Variants in CADM1 observed in about 807,000 individuals in gnomAD.
CADM1 encodes the protein TSLC-1.
CADM1 carries 15 observed loss-of-function variants against 53.1 expected under a neutral mutation model. That is an observed-to-expected ratio of 0.28 (90% confidence interval 0.19 to 0.44). CADM1 has a LOEUF of 0.44. Among genes scored for constraint, CADM1 ranks in the 20% least tolerant of loss-of-function variants. CADM1 has a pLI of 1.00. For synonymous variants in CADM1, 281 were observed against 243.0 expected (o/e 1.16, Z -1.45); for missense variants, 434 against 611.3 (o/e 0.71, Z 3.06).
chr11:115,177,159 G>A (rs1412670538), intron 11 of CADM1, among the ~76,000 whole-genome samples: 2 of 152,198 alleles, frequency 1.3e-5, no homozygotes, highest in African/African-American at 4.8e-5. Context: ...ACTTCAGAGT[G>A]AGGTTCCAGA....
Position 115,175,374 on chromosome 11 carries a change from G to GC in CADM1, c.*1099_*1100insG. On this transcript the variant is annotated 3_prime_UTR_variant, in exon 12 of 12. Coordinates refer to ENST00000331581, the MANE Select transcript of CADM1 (RefSeq NM_001301043.2). ...TACTGCCTTCCTAACTAAGCACAAA[G>GC]GAAAAAAAAAAAAAAATCAACTCTG... is the stretch of plus-strand genomic sequence containing the variant. 1.8e-6 allele frequency: 1 copy of GC among 553,034 alleles called. No individual in the cohort carries two copies. The highest frequency in any genetic ancestry group is 2.1e-6 in the Non-Finnish European group (1 of 468,484). The allele number at this position is 553,034 out of a possible 1,614,324, so 34.3% of individuals were successfully genotyped here.
intron 1 of CADM1, among the ~76,000 whole-genome samples, chr11:115,456,954 C>G (rs1222547312): frequency 1.3e-5 from 2 of 152,158 alleles, no homozygotes; most frequent in Non-Finnish European, 2.9e-5. Flanking sequence ...CACTGCCAGA[C>G]TATCAGCTCA....
chr11:115,274,143 T>C (rs1397941900), intron 1 of CADM1, among the ~76,000 whole-genome samples: 2 of 152,270 alleles, frequency 1.3e-5, no homozygotes, highest in African/African-American at 2.4e-5. Flanking sequence ...TAGGGTTTGA[T>C]TTCAATTGCT....
chr11:115,404,833 C>T (rs1329679324), intron 1 of CADM1, among the ~76,000 whole-genome samples: 1 of 143,596 alleles, frequency 7.0e-6, no homozygotes, highest in Non-Finnish European at 1.5e-5. Context: ...CAGAACAAGA[C>T]CCTGCCTCAG....
chr11:115,277,415 G>A (rs1943474844), intron 1 of CADM1, among the ~76,000 whole-genome samples: 1 of 152,140 alleles, frequency 6.6e-6, no homozygotes, highest in African/African-American at 2.4e-5. Flanking sequence ...ATAATCTACA[G>A]TCCAGTGAAA....
At chr11:115,499,196 GA>G (rs1281474432) in intron 1 of CADM1, among the ~76,000 whole-genome samples, 1 of 152,124 alleles carries the variant, frequency 6.6e-6, no homozygotes, top group Non-Finnish European at 1.5e-5. Flanking sequence ...TTGTTCTTAA[GA>G]ACATTTCCTT....
chr11:115,276,230 T>C (rs1247745564), intron 1 of CADM1, among the ~76,000 whole-genome samples: 3 of 152,254 alleles, frequency 2.0e-5, no homozygotes, highest in Non-Finnish European at 4.4e-5. Flanking sequence ...TTTTCACAGA[T>C]GCTCTGGCAT....
intron 10 of CADM1, among the ~76,000 whole-genome samples, chr11:115,187,772 T>C (rs1565285648): frequency 2.0e-5 from 3 of 152,204 alleles, no homozygotes; most frequent in Non-Finnish European, 4.4e-5. Flanking sequence ...GCCGTGTTTC[T>C]TGTATAATCC....
intron 1 of CADM1, among the ~76,000 whole-genome samples, chr11:115,437,994 C>T (rs1055267413): frequency 6.6e-6 from 1 of 152,174 alleles, no homozygotes; most frequent in African/African-American, 2.4e-5. Context: ...CCAGGAGCAC[C>T]GTGTAACGCC....
chr11:115,299,840 G>T (rs1944173751), intron 1 of CADM1, among the ~76,000 whole-genome samples: 2 of 152,060 alleles, frequency 1.3e-5, no homozygotes, highest in South Asian at 4.1e-4. Context: ...TTCATTTGAA[G>T]ACAGAAGCAG....
At chr11:115,433,431 TAAATCACTCC>T (rs1948105754) in intron 1 of CADM1, among the ~76,000 whole-genome samples, 1 of 152,222 alleles carries the variant, frequency 6.6e-6, no homozygotes, top group Non-Finnish European at 1.5e-5. Context: ...CCAGCATGAC[TAAATCACTCC>T]AAGGGCAAAC....
At chr11:115,281,324 G>A (rs1943578352) in intron 1 of CADM1, among the ~76,000 whole-genome samples, 1 of 152,144 alleles carries the variant, frequency 6.6e-6, no homozygotes, top group Non-Finnish European at 1.5e-5. Flanking sequence ...AATCATGGGA[G>A]TATTAATTCA....
At chr11:115,388,590 G>A (rs1015580913) in intron 1 of CADM1, among the ~76,000 whole-genome samples, 1 of 152,150 alleles carries the variant, frequency 6.6e-6, no homozygotes, top group Admixed American at 6.5e-5. Flanking sequence ...ACCTCTGGAT[G>A]TAATAGTGTA....
chr11:115,405,677 G>A (rs1947295148), intron 1 of CADM1, among the ~76,000 whole-genome samples: 1 of 152,156 alleles, frequency 6.6e-6, no homozygotes, highest in African/African-American at 2.4e-5. Flanking sequence ...GCATCAAGAT[G>A]AATCTCACCA....
In CADM1 at chr11:115,497,820, C is replaced by T. The variant is rs533810835; in HGVS notation, c.124+6451G>A. Among the ~76,000 whole-genome samples the T allele has an allele frequency of 8.7e-4, 132 of 152,082 alleles. 1 individual carries two copies. The Middle Eastern group carries it at 0.014, about 16-fold the overall frequency. ...TGTGGCCTGGTCAACTCAGAGGGGG[C>T]GGTGCAGGGGGCAGGTTTTCACCTG... On this transcript the variant is annotated intron_variant, in intron 1 of 11. Coordinates refer to ENST00000331581, the MANE Select transcript of CADM1 (RefSeq NM_001301043.2).
At chr11:115,292,377 T>C (rs1302110116) in intron 1 of CADM1, among the ~76,000 whole-genome samples, 2 of 152,206 alleles carry the variant, frequency 1.3e-5, no homozygotes, top group Non-Finnish European at 2.9e-5. Context: ...AGCTCATTAA[T>C]AGTATGCAAG....
chr11:115,196,499 C>T (rs1410636498), intron 9 of CADM1, among the ~76,000 whole-genome samples: 7 of 146,482 alleles, frequency 4.8e-5, no homozygotes, highest in Non-Finnish European at 1.0e-4. Flanking sequence ...TACATTATAT[C>T]AGGGGTGTCC....
In CADM1 at chr11:115,504,203, C is replaced by G. The variant is rs1045708714; in HGVS notation, c.124+68G>C. On this transcript the variant is annotated intron_variant, in intron 1 of 11. Coordinates refer to ENST00000331581, the MANE Select transcript of CADM1 (RefSeq NM_001301043.2). ...AGGTTGTCATGGAAACGTTTCCCCCCTCTGTGGCCAAGGCTACTGGGGTGC... is the reference window on the plus strand; with the variant it reads ...AGGTTGTCATGGAAACGTTTCCCCCGTCTGTGGCCAAGGCTACTGGGGTGC... 1.5e-5 allele frequency: 24 copies of G among 1,550,450 alleles called. No individual in the cohort carries two copies. In the East Asian group the frequency reaches 5.9e-4, roughly 38 times the overall value.
intron 1 of CADM1, among the ~76,000 whole-genome samples, chr11:115,349,957 TTTTC>T (rs2135055016): frequency 6.6e-6 from 1 of 152,212 alleles, no homozygotes; most frequent in Admixed American, 6.5e-5. Context: ...CTTACCATCT[TTTTC>T]TTTGTTTGTT....
Sources: gnomAD v4.1 joint callset for allele counts (sites outside exome capture counted in the v4.1 genomes callset) on GRCh38, gnomAD v4.1.1 for gene constraint, MANE v1.5 for transcripts, NCBI Gene and HGNC (gene_info 2026-07-23, HGNC 2026-07-21) for gene names.